Variants in ZFPM2 observed in about 807,000 individuals in gnomAD.
ZFPM2 encodes the protein zinc finger protein, FOG family member 2, also known as zinc finger protein ZFPM2.
A neutral mutation model predicts 98.6 loss-of-function variants in ZFPM2; 20 were observed. The observed-to-expected ratio is 0.20, with a 90% CI of 0.14 to 0.29. The LOEUF (loss-of-function observed/expected upper bound fraction) is 0.29. ZFPM2 is among the 10% of genes least tolerant of loss of function. ZFPM2 has a pLI of 1.00. For missense variants in ZFPM2, 1,310 were observed against 1,388.6 expected (o/e 0.94, Z 0.90); for synonymous variants, 518 against 502.7 (o/e 1.03, Z -0.41).
chr8:105,742,775 C>A (rs1294324574), intron 5 of ZFPM2, among the ~76,000 whole-genome samples: 2 of 152,050 alleles, frequency 1.3e-5, no homozygotes, highest in Non-Finnish European at 2.9e-5. Context: ...TGCCTGTGAT[C>A]CCAGCCACTC....
At chr8:105,429,916 A>G (rs1433517057) in intron 2 of ZFPM2, among the ~76,000 whole-genome samples, 2 of 152,200 alleles carry the variant, frequency 1.3e-5, no homozygotes, top group Non-Finnish European at 2.9e-5. Flanking sequence ...AGATGTATTC[A>G]TTCACCTTTT....
chr8:105,507,775 C>A (rs977695378), intron 3 of ZFPM2, among the ~76,000 whole-genome samples: 1 of 151,998 alleles, frequency 6.6e-6, no homozygotes, highest in African/African-American at 2.4e-5. Flanking sequence ...GTGCTTGTAC[C>A]CCTGGAGAGG....
intron 5 of ZFPM2, among the ~76,000 whole-genome samples, chr8:105,640,043 C>G (rs1324077615): frequency 2.0e-5 from 3 of 151,946 alleles, no homozygotes; most frequent in Non-Finnish European, 2.9e-5. Context: ...AGACACTGTT[C>G]TAATCACTTT....
intron 5 of ZFPM2, among the ~76,000 whole-genome samples, chr8:105,636,751 G>A (rs1325692767): frequency 6.6e-6 from 1 of 152,184 alleles, no homozygotes; most frequent in Non-Finnish European, 1.5e-5. Context: ...ATACTGTGAT[G>A]ATGAACTGTA....
intron 3 of ZFPM2, among the ~76,000 whole-genome samples, chr8:105,485,562 C>T (rs1389663933): frequency 5.3e-5 from 8 of 152,080 alleles, no homozygotes; most frequent in African/African-American, 1.4e-4. Flanking sequence ...CTCTGTGTAA[C>T]GGCCTGTAAG....
rs76285778 is a variant in ZFPM2, at chr8:105,697,251, A to G, written c.532+62894A>G. On this transcript the variant is annotated intron_variant, in intron 5 of 7. Transcript: ENST00000407775. ...TTAGAATGAGCGCTTAATCTTAATT[A>G]TGCATTTTGCAGTATTATAAATGCT... is the stretch of plus-strand genomic sequence containing the variant. 9.9e-3 allele frequency among the ~76,000 whole-genome samples: 1,513 copies of G among 152,322 alleles called. 13 individuals are homozygous for G. Among genetic ancestry groups the G allele is most frequent in the Non-Finnish European group, 0.013 (913 of 68,024 alleles).
chr8:105,657,150 T>G lies in ZFPM2; in HGVS notation c.532+22793T>G, dbSNP rs532275437. 1.1e-3 allele frequency among the ~76,000 whole-genome samples: 171 copies of G among 152,210 alleles called. 1 individual carries two copies. Among genetic ancestry groups the G allele is most frequent in the African/African-American group, 3.9e-3 (160 of 41,544 alleles). On this transcript the variant is annotated intron_variant, in intron 5 of 7. Coordinates refer to ENST00000407775, the MANE Select transcript of ZFPM2 (RefSeq NM_012082.4). ...ATTAATGCTTTTCTATTCTTTTTCTTTTTTTTGAGATGGAGTCTCACTCTG... is the reference window on the plus strand; with the variant it reads ...ATTAATGCTTTTCTATTCTTTTTCTGTTTTTTGAGATGGAGTCTCACTCTG...
intron 3 of ZFPM2, among the ~76,000 whole-genome samples, chr8:105,450,226 T>C (rs146198352): frequency 4.6e-5 from 7 of 152,234 alleles, no homozygotes; most frequent in African/African-American, 1.7e-4. Context: ...ATGATCACTT[T>C]TGCATGAAGT....
Position 105,500,136 on chromosome 8 carries a change from A to T in ZFPM2, c.301+55755A>T, listed in dbSNP as rs534163318. On this transcript the variant is annotated intron_variant, in intron 3 of 7. Transcript: ENST00000407775. ...GTACATTAGTGGCTAAATATTAAAA[A>T]CTTCTGTTATACTGTGTGTTTATAA... Among the ~76,000 whole-genome samples, 6 of 152,216 alleles carry T rather than the reference A, an allele frequency of 3.9e-5. No individual in the cohort carries two copies. The South Asian group carries it at 1.2e-3, about 32-fold the overall frequency.
intron 3 of ZFPM2, among the ~76,000 whole-genome samples, chr8:105,507,878 T>A (rs1044868244): frequency 1.3e-5 from 2 of 152,158 alleles, no homozygotes; most frequent in African/African-American, 4.8e-5. Flanking sequence ...TTGAAACTGA[T>A]GAGTAGGTTA....
chr8:105,322,451 C>CTTT (rs11303818), intron 1 of ZFPM2, among the ~76,000 whole-genome samples: 1 of 125,234 alleles, frequency 8.0e-6, no homozygotes, highest in Non-Finnish European at 1.7e-5. Context: ...GTGGACATCA[C>CTTT]TTTTTTTTTT....
At chr8:105,799,031 A>T in intron 7 of ZFPM2, 83 bp downstream of exon 7, 1 of 1,224,700 alleles carries the variant, frequency 8.2e-7, no homozygotes, top group Non-Finnish European at 1.1e-6. Context: ...GTATACGTCT[A>T]TATCTGTCTA....
intron 4 of ZFPM2, among the ~76,000 whole-genome samples, chr8:105,573,509 A>G (rs531089915): frequency 1.2e-3 from 182 of 152,344 alleles, no homozygotes; most frequent in African/African-American, 4.2e-3. Context: ...TGTATGCTAT[A>G]CAGCATCATA....
intron 1 of ZFPM2, among the ~76,000 whole-genome samples, chr8:105,334,717 T>A (rs1812295328): frequency 6.6e-6 from 1 of 151,880 alleles, no homozygotes; most frequent in African/African-American, 2.4e-5. Flanking sequence ...AGTTCATCTC[T>A]CACCCCTATC....
chr8:105,412,475 A>G (rs1811595907), intron 1 of ZFPM2, among the ~76,000 whole-genome samples: 1 of 151,840 alleles, frequency 6.6e-6, no homozygotes, highest in Non-Finnish European at 1.5e-5. Flanking sequence ...ACATGGAAAG[A>G]AATTAATCAA....
At chr8:105,392,399 A>T (rs908997712) in intron 1 of ZFPM2, among the ~76,000 whole-genome samples, 1 of 152,210 alleles carries the variant, frequency 6.6e-6, no homozygotes, top group Non-Finnish European at 1.5e-5. Flanking sequence ...TAGTTTTCAA[A>T]TGGCTGAATG....
chr8:105,559,230 C>T (rs1315855530), intron 3 of ZFPM2, among the ~76,000 whole-genome samples: 6 of 152,112 alleles, frequency 3.9e-5, no homozygotes. Flanking sequence ...TATTGTCTTT[C>T]CATAGTTTCT....
intron 5 of ZFPM2, among the ~76,000 whole-genome samples, chr8:105,755,110 C>A (rs143135841): frequency 2.6e-5 from 4 of 152,020 alleles, no homozygotes; most frequent in Middle Eastern, 3.4e-3. Context: ...ATAGGGAAAA[C>A]CTTTATTGTT....
At chr8:105,371,816 T>C (rs1810626905) in intron 1 of ZFPM2, among the ~76,000 whole-genome samples, 1 of 152,042 alleles carries the variant, frequency 6.6e-6, no homozygotes, top group Non-Finnish European at 1.5e-5. Context: ...TTGGCAAAAT[T>C]TAATCTGTAC....
Sources: gnomAD v4.1 joint callset for allele counts (sites outside exome capture counted in the v4.1 genomes callset) on GRCh38, gnomAD v4.1.1 for gene constraint, MANE v1.5 for transcripts, NCBI Gene and HGNC (gene_info 2026-07-23, HGNC 2026-07-21) for gene names.